Variants in SH3PXD2A observed in about 807,000 individuals in gnomAD.
SH3PXD2A encodes the protein SH3 and PX domains 2A.
SH3PXD2A carries 32 observed loss-of-function variants against 115.2 expected under a neutral mutation model. That is an observed-to-expected ratio of 0.28 (90% CI 0.21 to 0.37). The LOEUF is 0.37. Ranked by LOEUF, SH3PXD2A falls within the 10% of genes least tolerant of loss-of-function variation. The pLI, the probability that SH3PXD2A is intolerant of heterozygous loss-of-function variation, is 1.00. For synonymous variants in SH3PXD2A, 610 were observed against 629.1 expected (o/e 0.97, Z 0.45); for missense variants, 1,328 against 1,498.7 (o/e 0.89, Z 1.88).
intron 2 of SH3PXD2A, among the ~76,000 whole-genome samples, chr10:103,779,391 C>T (rs2038911339): frequency 6.6e-6 from 1 of 152,220 alleles, no homozygotes; most frequent in Non-Finnish European, 1.5e-5. Context: ...CCTGATACCC[C>T]CGTGTGCCAG....
At chr10:103,718,051 G>A (rs2038128245) in intron 5 of SH3PXD2A, among the ~76,000 whole-genome samples, 1 of 150,868 alleles carries the variant, frequency 6.6e-6, no homozygotes, top group Non-Finnish European at 1.5e-5. Flanking sequence ...CTGTTGCCCA[G>A]GCTGGAGTGC....
At chr10:103,763,818 G>C (rs1364153938) in intron 3 of SH3PXD2A, among the ~76,000 whole-genome samples, 2 of 152,226 alleles carry the variant, frequency 1.3e-5, no homozygotes, top group Non-Finnish European at 2.9e-5. Flanking sequence ...ACAGACAATG[G>C]ATGACTGATG....
At chr10:103,674,928 C>T (rs893193126) in intron 6 of SH3PXD2A, among the ~76,000 whole-genome samples, 2 of 152,184 alleles carry the variant, frequency 1.3e-5, no homozygotes, top group Admixed American at 6.5e-5. Flanking sequence ...GGTATGACTT[C>T]CAATCCAAGC....
At chr10:103,749,157 G>A (rs901503856) in intron 3 of SH3PXD2A, among the ~76,000 whole-genome samples, 8 of 107,848 alleles carry the variant, frequency 7.4e-5, no homozygotes, top group Non-Finnish European at 1.3e-4. Context: ...TCCCAAAGGT[G>A]GGAGCCACTG....
At chr10:103,821,829 A>C (rs983814740) in intron 1 of SH3PXD2A, among the ~76,000 whole-genome samples, 2 of 152,106 alleles carry the variant, frequency 1.3e-5, no homozygotes, top group African/African-American at 4.8e-5. Context: ...GGCCTCCCAA[A>C]GAGCTAGGAT....
intron 4 of SH3PXD2A, among the ~76,000 whole-genome samples, chr10:103,725,063 T>C (rs1179961782): frequency 6.6e-6 from 1 of 152,238 alleles, no homozygotes; most frequent in African/African-American, 2.4e-5. Context: ...AGCACTATGA[T>C]GGAGTTTGAT....
chr10:103,750,495 G>A (rs929302523), intron 3 of SH3PXD2A, among the ~76,000 whole-genome samples: 8 of 152,340 alleles, frequency 5.3e-5, no homozygotes, highest in Admixed American at 5.2e-4. Flanking sequence ...AACGAATGAA[G>A]TTCCTAAAAT....
chr10:103,612,070 G>T (rs2036437123), intron 12 of SH3PXD2A, among the ~76,000 whole-genome samples: 1 of 152,158 alleles, frequency 6.6e-6, no homozygotes, highest in Non-Finnish European at 1.5e-5. Flanking sequence ...TTTCAGGCAC[G>T]AGAGCTAACT....
chr10:103,807,778 T>C (rs2039221850), intron 1 of SH3PXD2A, among the ~76,000 whole-genome samples: 1 of 152,178 alleles, frequency 6.6e-6, no homozygotes, highest in East Asian at 1.9e-4. Flanking sequence ...CTTACCCAAA[T>C]CTTCGGAGTC....
chr10:103,840,442 G>A (rs1468174627), intron 1 of SH3PXD2A, among the ~76,000 whole-genome samples: 1 of 152,204 alleles, frequency 6.6e-6, no homozygotes, highest in Non-Finnish European at 1.5e-5. Flanking sequence ...TTTCCTGTCT[G>A]GGAGAAGAAA....
intron 5 of SH3PXD2A, among the ~76,000 whole-genome samples, chr10:103,716,558 G>A (rs1225463514): frequency 6.6e-6 from 1 of 152,218 alleles, no homozygotes; most frequent in Non-Finnish European, 1.5e-5. Flanking sequence ...CAAGCCGAAG[G>A]GATAAGCCCA....
intron 8 of SH3PXD2A, among the ~76,000 whole-genome samples, chr10:103,657,777 C>T (rs537383353): frequency 1.3e-5 from 2 of 152,306 alleles, no homozygotes; most frequent in South Asian, 4.1e-4. Context: ...CAATGAACAA[C>T]ATGAATTCCC....
intron 1 of SH3PXD2A, among the ~76,000 whole-genome samples, chr10:103,833,142 A>G (rs555390045): frequency 6.6e-6 from 1 of 152,356 alleles, no homozygotes; most frequent in African/African-American, 2.4e-5. Context: ...AGAATATTCT[A>G]AATATCTGGT....
chr10:103,782,935 G>T (rs965107118), intron 2 of SH3PXD2A, among the ~76,000 whole-genome samples: 2 of 147,150 alleles, frequency 1.4e-5, no homozygotes, highest in African/African-American at 5.3e-5. Context: ...GCATGCCTTG[G>T]GGGGGGGGGC....
intron 1 of SH3PXD2A, among the ~76,000 whole-genome samples, chr10:103,836,722 TTTG>T (rs1223892133): frequency 2.0e-5 from 3 of 147,410 alleles, no homozygotes; most frequent in South Asian, 2.2e-4. Flanking sequence ...CTTTTCTCCC[TTTG>T]TTTTCTTAAA....
intron 3 of SH3PXD2A, among the ~76,000 whole-genome samples, chr10:103,763,836 G>C (rs1406893025): frequency 6.6e-6 from 1 of 152,214 alleles, no homozygotes; most frequent in Non-Finnish European, 1.5e-5. Context: ...ATGTGGGGGG[G>C]CTATAAAAGC....
At chr10:103,712,051 T>TAAA (rs1010543291) in intron 5 of SH3PXD2A, among the ~76,000 whole-genome samples, 7 of 137,358 alleles carry the variant, frequency 5.1e-5, no homozygotes, top group African/African-American at 1.9e-4. Flanking sequence ...GTCTCAAAAT[T>TAAA]AAAAAAAAAA....
At chr10:103,698,945 G>A (rs1374651088) in intron 5 of SH3PXD2A, among the ~76,000 whole-genome samples, 1 of 152,108 alleles carries the variant, frequency 6.6e-6, no homozygotes, top group African/African-American at 2.4e-5. Flanking sequence ...GCTCCAAACA[G>A]TTGTGGACTG....
intron 1 of SH3PXD2A, among the ~76,000 whole-genome samples, chr10:103,807,899 C>T (rs959725539): frequency 2.6e-5 from 4 of 152,154 alleles, no homozygotes; most frequent in Admixed American, 6.5e-5. Context: ...CGTGTGGGGA[C>T]ACGATCACCG....
Sources: gnomAD v4.1 joint callset for allele counts (sites outside exome capture counted in the v4.1 genomes callset) on GRCh38, gnomAD v4.1.1 for gene constraint, MANE v1.5 for transcripts, NCBI Gene and HGNC (gene_info 2026-07-23, HGNC 2026-07-21) for gene names.